SLC4A10: variants seen among roughly 807,000 people sequenced by gnomAD.
SLC4A10 encodes sodium-driven chloride bicarbonate exchanger.
In SLC4A10, 42 loss-of-function variants were observed where a neutral mutation model predicts 137.7. The ratio of observed to expected loss-of-function variants is 0.30; its 90% confidence interval spans 0.24 to 0.39. The LOEUF is 0.39. Among genes scored for constraint, SLC4A10 ranks in the 10% least tolerant of loss-of-function variants. SLC4A10 has a pLI of 1.00. For synonymous variants in SLC4A10, 474 were observed against 464.1 expected, an observed-to-expected ratio of 1.02 and a Z score of -0.27; for missense variants, 925 against 1,355.0, an observed-to-expected ratio of 0.68 and a Z score of 4.98.
intron 15 of SLC4A10, among the ~76,000 whole-genome samples, chr2:161,927,921 G>A (rs1022412820): frequency 1.3e-5 from 2 of 151,692 alleles, no homozygotes; most frequent in African/African-American, 4.8e-5. Flanking sequence ...TACACTGTTG[G>A]TGGGACTGTA....
At chr2:161,824,844 C>A (rs552344825) in intron 3 of SLC4A10, among the ~76,000 whole-genome samples, 9 of 152,178 alleles carry the variant, frequency 5.9e-5, no homozygotes, top group Non-Finnish European at 1.2e-4. Context: ...AATTTATTTC[C>A]ATAAAGTTAC....
intron 18 of SLC4A10, among the ~76,000 whole-genome samples, chr2:161,949,690 T>C (rs1182941258): frequency 1.3e-5 from 2 of 151,928 alleles, no homozygotes; most frequent in African/African-American, 4.8e-5. Context: ...CCAAAGTGCT[T>C]GGGATCGGAA....
intron 1 of SLC4A10, among the ~76,000 whole-genome samples, chr2:161,646,610 T>C (rs2036066150): frequency 6.6e-6 from 1 of 151,982 alleles, no homozygotes; most frequent in Non-Finnish European, 1.5e-5. Context: ...CTGTTAAAAT[T>C]TGAAAGTTCT....
chr2:161,832,455 T>C (rs2058491471), intron 3 of SLC4A10, among the ~76,000 whole-genome samples: 1 of 152,156 alleles, frequency 6.6e-6, no homozygotes. Context: ...TTGAAAGAAG[T>C]CCATTGGTAT....
chr2:161,971,672 GC>G (rs1698561065), intron 23 of SLC4A10, among the ~76,000 whole-genome samples: 1 of 152,218 alleles, frequency 6.6e-6, no homozygotes, highest in South Asian at 2.1e-4. Flanking sequence ...TCCTCAGAAA[GC>G]CTCAATTTTT....
intron 1 of SLC4A10, among the ~76,000 whole-genome samples, chr2:161,705,596 C>A (rs2043573177): frequency 6.6e-6 from 1 of 151,468 alleles, no homozygotes; most frequent in Non-Finnish European, 1.5e-5. Flanking sequence ...AATATAAGGG[C>A]ATTAGGTGAG....
At chr2:161,907,035 G>T (rs1268331476) in intron 15 of SLC4A10, among the ~76,000 whole-genome samples, 2 of 127,076 alleles carry the variant, frequency 1.6e-5, no homozygotes, top group Non-Finnish European at 3.1e-5. Context: ...CAGCCTGGGC[G>T]ACAGAGCGAG....
At chr2:161,949,005 T>C (rs1694324583) in intron 17 of SLC4A10, 143 bp from the exon 18 acceptor site, 4 of 530,896 alleles carry the variant, frequency 7.5e-6, no homozygotes, top group Non-Finnish European at 1.3e-5. Flanking sequence ...ACAGAGCTAA[T>C]GGTAATCTTA....
intron 3 of SLC4A10, among the ~76,000 whole-genome samples, chr2:161,807,078 G>A (rs2056059228): frequency 6.6e-6 from 1 of 152,072 alleles, no homozygotes. Flanking sequence ...AAGAGACCTT[G>A]TGCAGGAAAA....
At chr2:161,632,584 T>C (rs1282353518) in intron 1 of SLC4A10, among the ~76,000 whole-genome samples, 3 of 151,574 alleles carry the variant, frequency 2.0e-5, no homozygotes, top group African/African-American at 7.2e-5. Flanking sequence ...AGAACACCTA[T>C]AGTAAATATA....
intron 1 of SLC4A10, among the ~76,000 whole-genome samples, chr2:161,748,587 A>C (rs1204672175): frequency 1.3e-5 from 2 of 151,926 alleles, no homozygotes; most frequent in Non-Finnish European, 2.9e-5. Flanking sequence ...AGTCAGTTGA[A>C]TGTGTATGTC....
intron 19 of SLC4A10, among the ~76,000 whole-genome samples, chr2:161,953,115 T>C (rs1363236907): frequency 6.6e-6 from 1 of 152,226 alleles, no homozygotes; most frequent in African/African-American, 2.4e-5. Flanking sequence ...TAATGAATCA[T>C]GTTTTGTAGT....
intron 1 of SLC4A10, among the ~76,000 whole-genome samples, chr2:161,660,593 T>TTTC (rs1178615350): frequency 1.7e-5 from 2 of 115,956 alleles, no homozygotes; most frequent in Non-Finnish European, 4.3e-5. Flanking sequence ...TCTTTCTTTC[T>TTTC]TTCTTTCTTT....
In SLC4A10 at chr2:161,828,287, T is replaced by C. The variant is rs918019050; in HGVS notation, c.278-11502T>C. 2.6e-5 allele frequency among the ~76,000 whole-genome samples: 4 copies of C among 152,174 alleles called. No individual in the cohort carries two copies. In the East Asian group the frequency reaches 5.8e-4, roughly 22 times the overall value. On this transcript the variant is annotated intron_variant, in intron 3 of 26. Coordinates refer to ENST00000446997, the MANE Select transcript of SLC4A10 (RefSeq NM_001178015.2). ...TACAAAACAGTATTCATGACTCACT[T>C]GTTCCTTTACTTCTGCCTGCAGATC... is the stretch of plus-strand genomic sequence containing the variant.
intron 1 of SLC4A10, among the ~76,000 whole-genome samples, chr2:161,715,409 G>A (rs1221248946): frequency 6.6e-6 from 1 of 152,082 alleles, no homozygotes; most frequent in Non-Finnish European, 1.5e-5. Context: ...AGGTAAATGT[G>A]TGCCAAGGTG....
intron 3 of SLC4A10, among the ~76,000 whole-genome samples, chr2:161,832,490 T>G (rs1211805653): frequency 6.6e-6 from 1 of 152,118 alleles, no homozygotes; most frequent in African/African-American, 2.4e-5. Flanking sequence ...TGGACCAAAT[T>G]GTCTAGTAAG....
rs532071589 is a variant in SLC4A10, at chr2:161,947,464, C to A, written c.2104-102C>A. Reference sequence around the variant, plus strand: ...CATTGTGAGAGCCATAAAGGAAAAGCCTCAGCATCTGAACTACAATTGATC... The same window carrying A: ...CATTGTGAGAGCCATAAAGGAAAAGACTCAGCATCTGAACTACAATTGATC... On this transcript the variant is annotated intron_variant, in intron 16 of 26. Transcript: ENST00000446997. 2.7e-5 allele frequency: 32 copies of A among 1,195,726 alleles called. No homozygotes were observed. The African/African-American group carries it at 4.5e-4, about 17-fold the overall frequency. The allele number at this position is 1,195,726 out of a possible 1,614,324, so 74.1% of individuals were successfully genotyped here.
intron 3 of SLC4A10, among the ~76,000 whole-genome samples, chr2:161,835,136 CA>C (rs1056874025): frequency 2.0e-5 from 3 of 151,070 alleles, no homozygotes; most frequent in Non-Finnish European, 4.4e-5. Context: ...CTGCTGGGTT[CA>C]AGCAATTCTT....
At chr2:161,632,480 G>C (rs749145430) in intron 1 of SLC4A10, among the ~76,000 whole-genome samples, 6 of 151,552 alleles carry the variant, frequency 4.0e-5, no homozygotes, top group Middle Eastern at 6.8e-3. Flanking sequence ...CACCCTTAAG[G>C]TATAATATAA....
Sources: gnomAD v4.1 joint callset for allele counts (sites outside exome capture counted in the v4.1 genomes callset) on GRCh38, gnomAD v4.1.1 for gene constraint, MANE v1.5 for transcripts, NCBI Gene and HGNC (gene_info 2026-07-23, HGNC 2026-07-21) for gene names.